Variants in CDC42BPG observed in about 807,000 individuals in gnomAD.
CDC42BPG encodes CDC42 binding protein kinase gamma.
A neutral mutation model predicts 192.2 loss-of-function variants in CDC42BPG; 157 were observed. The observed-to-expected ratio is 0.82, with a 90% CI of 0.72 to 0.93. The LOEUF is 0.93. Ranked by LOEUF, CDC42BPG falls within the 40% of genes least tolerant of loss-of-function variation. CDC42BPG has a pLI of 0.00. For synonymous variants in CDC42BPG, 981 were observed against 918.5 expected (o/e 1.07, Z -1.23); for missense variants, 1,992 against 2,122.1 (o/e 0.94, Z 1.20).
intron 10 of CDC42BPG, 47 bp from the exon 11 acceptor site, chr11:64,836,866 G>A (rs368096635): frequency 4.5e-5 from 73 of 1,608,720 alleles, no homozygotes; most frequent in African/African-American, 4.0e-4. Context: ...CTCCATTCCC[G>A]CAGCAGCAGC....
intron 11 of CDC42BPG, 83 bp from the exon 12 acceptor site, chr11:64,836,613 C>G (rs1270389069): frequency 7.3e-7 from 1 of 1,370,806 alleles, no homozygotes; most frequent in South Asian, 1.2e-5. Flanking sequence ...GCCTGTTTCC[C>G]ACACGCGGGC....
chr11:64,835,862 T>G lies in CDC42BPG; in HGVS notation c.1669-11A>C. The G allele has an allele frequency of 6.2e-7, 1 of 1,605,468 alleles. No homozygotes were observed. The highest frequency in any genetic ancestry group is 8.5e-7 in the Non-Finnish European group (1 of 1,177,202). On this transcript the variant is annotated splice_polypyrimidine_tract_variant and intron_variant, in intron 13 of 36. Transcript: ENST00000342711. ...CACCTGGGCCTCCAGCTGTGAGGGG[T>G]GCAGAGGCAGGCCACTGCCAACTCT...
In CDC42BPG at chr11:64,834,831, GGCATCT is replaced by G; in HGVS notation, c.2175+12_2175+17del. The stretch of plus-strand genomic sequence containing the variant: ...TGACTTGCCCAAGCCAGCCCCCAGG[GGCATCT>G]CTGGGGCTCACCAGTGGCCGGGCAG... On this transcript the variant is annotated intron_variant, in intron 18 of 36. Transcript: ENST00000342711. The G allele has an allele frequency of 1.9e-6, 3 of 1,606,788 alleles. No homozygotes were observed. The highest frequency in any genetic ancestry group is 2.6e-6 in the Non-Finnish European group (3 of 1,175,558).
chr11:64,835,327 G>A lies in CDC42BPG; in HGVS notation c.1953+20C>T, dbSNP rs376476194. On this transcript the variant is annotated intron_variant, in intron 16 of 36. Coordinates refer to ENST00000342711, the MANE Select transcript of CDC42BPG (RefSeq NM_017525.3). ...GCCTTGTCCGTCTGTTGTACCCTCC[G>A]TCTGTTGTACCCTGCTCACCCGCTC... 15 of 1,613,086 alleles carry A rather than the reference G, an allele frequency of 9.3e-6. No individual in the cohort carries two copies. Among genetic ancestry groups the A allele is most frequent in the Middle Eastern group, 1.6e-4 (1 of 6,082 alleles).
intron 20 of CDC42BPG, 142 bp downstream of exon 20, chr11:64,834,124 G>T: frequency 7.2e-7 from 1 of 1,396,148 alleles, no homozygotes; most frequent in Middle Eastern, 2.4e-4. Context: ...AGAAGTGCTG[G>T]TCACAGATGA....
In CDC42BPG at chr11:64,830,245, G is replaced by C; in HGVS notation, c.3316C>G (p.Leu1106Val). 6.2e-7 allele frequency: 1 copy of C among 1,609,128 alleles called. No homozygotes were observed. The highest frequency in any genetic ancestry group is 8.5e-7 in the Non-Finnish European group (1 of 1,177,702). Residue 1106 changes from leucine to valine, a missense_variant, in exon 29 of 37, where the codon CTT becomes GTT. Transcript: ENST00000342711. ...LCAAILDQDR[L>V]ALGTEEGLFV... ...AGCCCCTCCTCGGTGCCAAGCGCAA[G>C]TCGATCCTGGTCTGGTAGAGGGAGG...
chr11:64,832,401 C>T (rs1942736953), intron 27 of CDC42BPG, 27 bp downstream of exon 27: 1 of 1,604,362 alleles, frequency 6.2e-7, no homozygotes, highest in South Asian at 1.1e-5. Flanking sequence ...TGGATGGTGG[C>T]TGCTCCATCT....
rs1484232857 is a variant in CDC42BPG, at chr11:64,840,137, C to A, written c.564G>T (p.Gln188His). Residue 188 changes from glutamine to histidine, a missense_variant, in exon 5 of 37, where the codon CAG becomes CAT. Gln to His is a conservative substitution (Grantham distance 24). Transcript: ENST00000342711. Reference sequence around the variant, plus strand: ...GGCCCCACCTGTGGACATAACCCAGCTGGTGCAGCGAGTGGATGGCCAGCA... The same window carrying A: ...GGCCCCACCTGTGGACATAACCCAGATGGTGCAGCGAGTGGATGGCCAGCA... ...EMVLAIHSLH[Q>H]LGYVHRDVKP... is the part of the protein sequence containing the mutation. 1 of 1,612,518 alleles carries A rather than the reference C, an allele frequency of 6.2e-7. No individual in the cohort carries two copies. The highest frequency in any genetic ancestry group is 1.3e-5 in the African/African-American group (1 of 74,920).
rs1475443520 is a variant in CDC42BPG, at chr11:64,835,424, G to A, written c.1881-5C>T. 5 of 1,613,250 alleles carry A rather than the reference G, an allele frequency of 3.1e-6. No homozygotes were observed. The South Asian group carries it at 3.3e-5, about 11-fold the overall frequency. On this transcript the variant is annotated splice_region_variant and splice_polypyrimidine_tract_variant and intron_variant, in intron 15 of 36. Coordinates refer to ENST00000342711, the MANE Select transcript of CDC42BPG (RefSeq NM_017525.3). ...GCCTCCTCCTTACCACTCGGCCTGG[G>A]GAGGAGAAGGCCAAGGCCGTGACTC...
rs1943020382 is a variant in CDC42BPG, at chr11:64,836,713, G to GGGT, written c.1384+25_1384+26insACC. The stretch of plus-strand genomic sequence containing the variant: ...CCAGGTGGGACTCAGCCCTGGGGGG[G>GGGT]GGGGGGGGGTGGGCGGAAGGGATAC... On this transcript the variant is annotated intron_variant, in intron 11 of 36. Transcript: ENST00000342711. 1.5e-5 allele frequency: 13 copies of GGGT among 856,394 alleles called. 1 individual carries two copies. The highest frequency in any genetic ancestry group is 3.0e-5 in the East Asian group (1 of 33,362). The allele number at this position is 856,394 out of a possible 1,614,324, so 53.0% of individuals were successfully genotyped here.
chr11:64,837,458 G>A (rs923040009), intron 9 of CDC42BPG, among the ~76,000 whole-genome samples: 1 of 152,174 alleles, frequency 6.6e-6, no homozygotes. Context: ...ATGGGAGTAG[G>A]TGGAGATAAT....
Position 64,827,186 on chromosome 11 carries a change from G to C in CDC42BPG, c.4272-19C>G, listed in dbSNP as rs565235310. 3.1e-6 allele frequency: 5 copies of C among 1,613,460 alleles called. No individual in the cohort carries two copies. The African/African-American group carries it at 6.7e-5, about 21-fold the overall frequency. On this transcript the variant is annotated intron_variant, in intron 33 of 36. Coordinates refer to ENST00000342711, the MANE Select transcript of CDC42BPG (RefSeq NM_017525.3). ...CATCTCCCTGTGGGCGGAGGTGTAA[G>C]TAGTGGGTGGCGAAGCTCCACCCTC...
intron 1 of CDC42BPG, among the ~76,000 whole-genome samples, 187 bp downstream of exon 1, chr11:64,844,223 G>A (rs1266928661): frequency 2.0e-5 from 3 of 151,970 alleles, no homozygotes; most frequent in Non-Finnish European, 4.4e-5. Context: ...GAGAATTGGA[G>A]TGAGGGTGAG....
intron 9 of CDC42BPG, among the ~76,000 whole-genome samples, chr11:64,837,335 G>C: frequency 6.6e-6 from 1 of 152,214 alleles, no homozygotes; most frequent in East Asian, 1.9e-4. Flanking sequence ...TCGAGGACAG[G>C]ATGTGGTGAC....
In CDC42BPG at chr11:64,826,510, C is replaced by T. The variant is rs1161003264; in HGVS notation, c.4559G>A (p.Cys1520Tyr). 5 of 1,605,468 alleles carry T rather than the reference C, an allele frequency of 3.1e-6. No individual in the cohort carries two copies. Among genetic ancestry groups the T allele is most frequent in the East Asian group, 2.2e-5 (1 of 44,690 alleles). ...WTSLSSESVS[C>Y]PQGSLSPATS... ...TGCAGGGCTCAGCGATCCCTGGGGGCAGGACACAGACTCGCTGGACAGGGA... is the reference window on the plus strand; with the variant it reads ...TGCAGGGCTCAGCGATCCCTGGGGGTAGGACACAGACTCGCTGGACAGGGA... Residue 1520 changes from cysteine (C) to tyrosine (Y), a missense_variant, in exon 36 of 37, where the codon TGC (cysteine) becomes TAC (tyrosine). Around this residue, in one of 2 missense-constraint regions of CDC42BPG, gnomAD observed 336 missense variants for 277.9 expected, o/e 1.21. Coordinates refer to ENST00000342711, the MANE Select transcript of CDC42BPG (RefSeq NM_017525.3).
chr11:64,841,567 C>T (rs540547698), intron 3 of CDC42BPG, 83 bp downstream of exon 3: 19 of 1,168,736 alleles, frequency 1.6e-5, no homozygotes, highest in Non-Finnish European at 2.0e-5. Flanking sequence ...GCCCGCCCCC[C>T]CCGCGCCATA....
At position 64,841,882 on chromosome 11, in the gene CDC42BPG, C is replaced by T. The variant is rs148030606; in HGVS notation, c.183G>A (p.Val61=). Residue 61 remains valine (V), a synonymous_variant, in exon 2 of 37, where the codon GTG becomes GTA. Transcript: ENST00000342711. ...LSWASPFVSK[V]KELRLQRDDF... ...CATCTCTCTGCAGACGCAGTTCTTT[C>T]ACCTTTGATACGAAGGGGCTGGCTG... 1.7e-5 allele frequency: 28 copies of T among 1,612,320 alleles called. No individual in the cohort carries two copies. Among genetic ancestry groups the T allele is most frequent in the Non-Finnish European group, 2.1e-5 (25 of 1,179,326 alleles).
Position 64,824,498 on chromosome 11 carries a change from GAT to G in CDC42BPG, c.4629_4630del (p.Ser1544ProfsTer2). On this transcript the variant is annotated frameshift_variant, in exon 37 of 37. Transcript: ENST00000342711. LOFTEE classifies it high-confidence loss of function. ...TCAAGGAGAGCTCTCCAATTCAGGG[GAT>G]AGGGGGAGGCTTCGGGGCCGTTCTG... 6.2e-7 allele frequency: 1 copy of G among 1,608,288 alleles called. No individual in the cohort carries two copies. Among genetic ancestry groups the G allele is most frequent in the Non-Finnish European group, 8.5e-7 (1 of 1,174,566 alleles).
chr11:64,829,682 G>A lies in CDC42BPG; in HGVS notation c.3756C>T (p.Leu1252=). 1 of 1,611,750 alleles carries A rather than the reference G, an allele frequency of 6.2e-7. No homozygotes were observed. Among genetic ancestry groups the A allele is most frequent in the Non-Finnish European group, 8.5e-7 (1 of 1,179,510 alleles). ...CCAGCGCCAACGGCGCAGCCTCGTT[G>A]AGCAGCGGGTAGAGTGCAAAGCCAC... ...AAGGFALYPL[L]NEAAPLALGA... is the part of the protein sequence containing the mutation. Residue 1252 remains leucine, a synonymous_variant, in exon 30 of 37, where the codon CTC becomes CTT. Transcript: ENST00000342711.
Sources: allele counts gnomAD v4.1 joint callset (sites outside exome capture counted in the v4.1 genomes callset), GRCh38; gene constraint gnomAD v4.1.1; regional missense constraint gnomAD v4.1.1; transcripts MANE v1.5; gene names NCBI Gene and HGNC (gene_info 2026-07-23, HGNC 2026-07-21).